ZNF385C: variants seen among roughly 807,000 people sequenced by gnomAD.
ZNF385C encodes CTD-2132N18.2.
ZNF385C carries 28 observed loss-of-function variants against 35.4 expected under a neutral mutation model. The ratio of observed to expected loss-of-function variants is 0.79; its 90% confidence interval spans 0.59 to 1.08. The LOEUF (loss-of-function observed/expected upper bound fraction) is 1.08, where lower values mean the gene tolerates loss of function less well. Ranked by LOEUF, ZNF385C falls within the 50% of genes least tolerant of loss-of-function variation. The probability of loss-of-function intolerance (pLI) is 0.00; values close to 1 mark genes in which losing one functional copy is unlikely to be tolerated. For synonymous variants in ZNF385C, 248 were observed against 248.2 expected, an observed-to-expected ratio of 1.00 and a Z score of 0.01; for missense variants, 605 against 595.6, an observed-to-expected ratio of 1.02 and a Z score of -0.16.
chr17:42,057,499 C>CGTGTGTGTGTGTGT lies in ZNF385C; in HGVS notation c.250+5307_250+5308insACACACACACACAC, dbSNP rs202100946. Among the ~76,000 whole-genome samples the CGTGTGTGTGTGTGT allele has an allele frequency of 8.9e-3, 1,178 of 131,690 alleles. 29 individuals are homozygous for CGTGTGTGTGTGTGT. Among genetic ancestry groups the CGTGTGTGTGTGTGT allele is most frequent in the Admixed American group, 0.013 (186 of 13,830 alleles). 86.4% of individuals were successfully genotyped at this position (131,690 alleles called of 152,430 possible). On this transcript the variant is annotated intron_variant, in intron 2 of 8. Coordinates refer to ENST00000692273, the MANE Select transcript of ZNF385C (RefSeq NM_001392013.1). The stretch of plus-strand genomic sequence containing the variant: ...TCACTTAAAGTTATTTAGGGGTGTG[C>CGTGTGTGTGTGTGT]GCGCGCGCGCGCGCGTGTGTGTGTG...
chr17:42,073,117 C>G (rs910851678), intron 1 of ZNF385C, among the ~76,000 whole-genome samples: 14 of 152,130 alleles, frequency 9.2e-5, no homozygotes, highest in Admixed American at 3.3e-4. Context: ...GGTGCAGTTC[C>G]CCATTTTACA....
intron 1 of ZNF385C, among the ~76,000 whole-genome samples, chr17:42,075,250 A>G (rs1555659155): frequency 1.3e-5 from 2 of 152,096 alleles, no homozygotes; most frequent in African/African-American, 2.4e-5. Context: ...GGCACCTTGT[A>G]TGAGACCCTA....
Position 42,061,088 on chromosome 17 carries a change from A to G in ZNF385C, c.250+1719T>C, listed in dbSNP as rs1318383994. Among the ~76,000 whole-genome samples the G allele has an allele frequency of 5.9e-5, 9 of 151,556 alleles. No individual in the cohort carries two copies. The South Asian group carries it at 1.0e-3, about 17-fold the overall frequency. Reference sequence around the variant, plus strand: ...TTGGAACAAACTCATCTGCATATGTATTTATTTAGATAGCTTTTTCCTGAC... The same window carrying G: ...TTGGAACAAACTCATCTGCATATGTGTTTATTTAGATAGCTTTTTCCTGAC... On this transcript the variant is annotated intron_variant, in intron 2 of 8. Coordinates refer to ENST00000692273, the MANE Select transcript of ZNF385C (RefSeq NM_001392013.1).
chr17:42,086,346 C>T (rs1230959226), intron 1 of ZNF385C, among the ~76,000 whole-genome samples: 16 of 152,036 alleles, frequency 1.1e-4, no homozygotes, highest in African/African-American at 2.7e-4. Context: ...GAGCTGAGAT[C>T]GCTTCGGCCT....
At chr17:42,060,162 C>G (rs1196060869) in intron 2 of ZNF385C, among the ~76,000 whole-genome samples, 1 of 152,194 alleles carries the variant, frequency 6.6e-6, no homozygotes. Context: ...GATAACTGAG[C>G]TGCCCTCTGT....
intron 2 of ZNF385C, chr17:42,039,647 T>C: frequency 2.5e-6 from 3 of 1,216,208 alleles, no homozygotes; most frequent in Admixed American, 4.2e-5. Flanking sequence ...CAAGTCTAGG[T>C]TGGCCCTTAC....
intron 2 of ZNF385C, among the ~76,000 whole-genome samples, chr17:42,057,885 A>T (rs1356377242): frequency 6.6e-6 from 1 of 151,868 alleles, no homozygotes; most frequent in Admixed American, 6.6e-5. Flanking sequence ...GGAGGTTGCA[A>T]TGAGTTGGGA....
rs1170152751 is a variant in ZNF385C at position 42,026,868 on chromosome 17, G to A, written c.*29C>T. Reference sequence around the variant, plus strand: ...AGGAGGAGACAAGGAGTGGCTATTGGGAAATCAGCTCTGGCCTCCCCATGA... The same window carrying A: ...AGGAGGAGACAAGGAGTGGCTATTGAGAAATCAGCTCTGGCCTCCCCATGA... On this transcript the variant is annotated 3_prime_UTR_variant, in exon 9 of 9. Transcript: ENST00000692273. 1.3e-6 allele frequency: 2 copies of A among 1,559,464 alleles called. No homozygotes were observed. The highest frequency in any genetic ancestry group is 1.7e-6 in the Non-Finnish European group (2 of 1,149,482).
chr17:42,086,350 T>G (rs1333753622), intron 1 of ZNF385C, among the ~76,000 whole-genome samples: 4 of 151,680 alleles, frequency 2.6e-5, no homozygotes, highest in Non-Finnish European at 5.9e-5. Context: ...TGAGATCGCT[T>G]CGGCCTGGGC....
chr17:42,076,487 T>G (rs2053686769), intron 1 of ZNF385C, among the ~76,000 whole-genome samples: 1 of 152,132 alleles, frequency 6.6e-6, no homozygotes, highest in African/African-American at 2.4e-5. Context: ...CTGGGCGTGG[T>G]GGCGGGTGCC....
At chr17:42,043,780 A>G (rs1325322636) in intron 2 of ZNF385C, among the ~76,000 whole-genome samples, 1 of 152,128 alleles carries the variant, frequency 6.6e-6, no homozygotes, top group Non-Finnish European at 1.5e-5. Context: ...GCCCCCTCCC[A>G]GGGTCTCTTT....
intron 1 of ZNF385C, among the ~76,000 whole-genome samples, chr17:42,092,458 G>T (rs1378216633): frequency 6.6e-6 from 1 of 152,180 alleles, no homozygotes; most frequent in African/African-American, 2.4e-5. Context: ...GGATGAGGCA[G>T]TTCTGTATAC....
intron 1 of ZNF385C, among the ~76,000 whole-genome samples, chr17:42,090,277 CTTTTTTTTTTTTTT>C (rs1162613191): frequency 2.0e-5 from 2 of 98,892 alleles, no homozygotes; most frequent in Non-Finnish European, 3.6e-5. Context: ...CTCTTATTCC[CTTTTTTTTTTTTTT>C]TTTTTTTTTT....
rs1289567251 is a variant in ZNF385C at position 42,050,824 on chromosome 17, C to A, written c.250+11983G>T. Among the ~76,000 whole-genome samples, 20 of 151,834 alleles carry A rather than the reference C, an allele frequency of 1.3e-4. No individual in the cohort carries two copies. The highest frequency in any genetic ancestry group is 1.3e-3 in the Admixed American group (20 of 15,264). On this transcript the variant is annotated intron_variant, in intron 2 of 8. Coordinates refer to ENST00000692273, the MANE Select transcript of ZNF385C (RefSeq NM_001392013.1). This position sits in a 1 kb window ranked among gnomAD's most constrained non-coding sequence, Gnocchi z 5.6. ...CACGCGCGGCAGCAGGAGCCAGAGG[C>A]TAGACCGCAGGCAGCGCGGTGCCGG...
intron 1 of ZNF385C, among the ~76,000 whole-genome samples, chr17:42,067,002 G>A: frequency 6.6e-6 from 1 of 152,168 alleles, no homozygotes; most frequent in East Asian, 1.9e-4. Flanking sequence ...CTGGGAGGCA[G>A]AGGTTGCAGT....
At position 42,098,428 on chromosome 17, in the gene ZNF385C, G is replaced by A. The variant is rs1322241282; in HGVS notation, c.-21C>T. On this transcript the variant is annotated 5_prime_UTR_variant, in exon 1 of 9. Transcript: ENST00000692273. ...GTCTTACCTGCGGGGCAGAGACGGA[G>A]CCCGCCGCGGCCACCTGCTCTCGCC... The A allele has an allele frequency of 2.0e-5, 3 of 151,334 alleles. No individual in the cohort carries two copies. Among genetic ancestry groups the A allele is most frequent in the Non-Finnish European group, 4.4e-5 (3 of 67,840 alleles). 9.4% of individuals were successfully genotyped at this position (151,334 alleles called of 1,614,324 possible). A position where few individuals can be genotyped will look rare whatever the true frequency, so the allele number is the denominator to read the frequency against.
In ZNF385C at chr17:42,026,735, T is replaced by G; in HGVS notation, c.*162A>C. 6.8e-6 allele frequency: 5 copies of G among 737,282 alleles called. No individual in the cohort carries two copies. Among genetic ancestry groups the G allele is most frequent in the Non-Finnish European group, 1.2e-5 (5 of 422,592 alleles). 45.7% of individuals were successfully genotyped at this position (737,282 alleles called of 1,614,324 possible). On this transcript the variant is annotated 3_prime_UTR_variant, in exon 9 of 9. Coordinates refer to ENST00000692273, the MANE Select transcript of ZNF385C (RefSeq NM_001392013.1). The stretch of plus-strand genomic sequence containing the variant: ...GCGAAAGGAGGGTGGGGACAGTCCT[T>G]GGAAGGCAGCTGCCCTTAAAACTAG...
Position 42,095,741 on chromosome 17 carries a change from A to T in ZNF385C, c.-3+2669T>A, listed in dbSNP as rs1555660900. Among the ~76,000 whole-genome samples the T allele has an allele frequency of 2.6e-5, 4 of 152,074 alleles. No homozygotes were observed. The highest frequency in any genetic ancestry group is 9.7e-5 in the African/African-American group (4 of 41,376). ...CTTGAAACTCCGTCCTGGTCCAGGTAAGCATGTTCTAAGCCCAGTTTTATA... is the reference window on the plus strand; with the variant it reads ...CTTGAAACTCCGTCCTGGTCCAGGTTAGCATGTTCTAAGCCCAGTTTTATA... On this transcript the variant is annotated intron_variant, in intron 1 of 8. Transcript: ENST00000692273. The surrounding 1 kb of genome is among the most constrained non-coding windows in gnomAD (Gnocchi z 4.4).
chr17:42,040,897 C>A, intron 2 of ZNF385C: 1 of 1,232,250 alleles, frequency 8.1e-7, no homozygotes, highest in Non-Finnish European at 1.0e-6. Context: ...GCCCACACTC[C>A]CCAGGCGCTC....
Sources: allele counts gnomAD v4.1 joint callset (sites outside exome capture counted in the v4.1 genomes callset), GRCh38; gene constraint gnomAD v4.1.1; non-coding constraint Gnocchi (gnomAD v3.1); transcripts MANE v1.5; gene names NCBI Gene and HGNC (gene_info 2026-07-23, HGNC 2026-07-21).